Variants in PEX16 observed in about 807,000 individuals in gnomAD.
PEX16 encodes the protein peroxisomal biogenesis factor 16.
A neutral mutation model predicts 50.5 loss-of-function variants in PEX16; 37 were observed. The ratio of observed to expected loss-of-function variants is 0.73; its 90% CI spans 0.56 to 0.96. The LOEUF is 0.96. Ranked by LOEUF, PEX16 falls within the 40% of genes least tolerant of loss-of-function variation. The pLI is 0.00. For missense variants in PEX16, 401 were observed against 438.3 expected (o/e 0.91, Z 0.76); for synonymous variants, 185 against 190.3 (o/e 0.97, Z 0.23).
chr11:45,910,941 G>C lies in PEX16; in HGVS notation c.909C>G (p.Leu303=). 6.2e-7 allele frequency: 1 copy of C among 1,613,494 alleles called. No homozygotes were observed. Among genetic ancestry groups the C allele is most frequent in the Non-Finnish European group, 8.5e-7 (1 of 1,179,988 alleles). The change falls in exon 10 of 11, where the codon CTC becomes CTG. Residue 303 remains leucine (L), a synonymous_variant. Transcript: ENST00000378750. ...CAGGGACGTGGTCGGCCAGCAACTG[G>C]AGCAGGAAGAGGATCCTGGCCCTGG... is the stretch of plus-strand genomic sequence containing the variant. ...RFSEARILFL[L]QLLADHVPGV...
intron 9 of PEX16, among the ~76,000 whole-genome samples, chr11:45,912,949 G>A (rs958946168): frequency 1.9e-4 from 29 of 152,058 alleles, no homozygotes; most frequent in African/African-American, 7.0e-4. Flanking sequence ...AGCTTCCTGA[G>A]TAGCTAGGAC....
chr11:45,916,905 C>A (rs1229087039), intron 2 of PEX16: 5 of 419,672 alleles, frequency 1.2e-5, no homozygotes, highest in Non-Finnish European at 2.4e-5. Flanking sequence ...CCTGACCTCA[C>A]GTGATCCACC....
intron 9 of PEX16, 106 bp downstream of exon 9, chr11:45,913,713 G>A: frequency 7.5e-7 from 1 of 1,328,588 alleles, no homozygotes; most frequent in Non-Finnish European, 1.1e-6. Context: ...ACAGTGCTTG[G>A]TGAACCCTGG....
At chr11:45,915,357 G>A (rs1379045593) in intron 5 of PEX16, 111 bp downstream of exon 5, 5 of 770,316 alleles carry the variant, frequency 6.5e-6, no homozygotes, top group South Asian at 6.1e-5. Flanking sequence ...ATAGTTGATA[G>A]GGACAGGCGT....
rs556342423 is a variant in PEX16 at position 45,913,308 on chromosome 11, CCT to C, written c.887+509_887+510del. On this transcript the variant is annotated intron_variant, in intron 9 of 10. Coordinates refer to ENST00000378750, the MANE Select transcript of PEX16 (RefSeq NM_004813.4). ...GCTGCCCCCTGCTCAACCCAGCAGG[CCT>C]CTCTCAGGCTGGGAGCTCTGGACCC... is the stretch of plus-strand genomic sequence containing the variant. 3.0e-3 allele frequency among the ~76,000 whole-genome samples: 454 copies of C among 152,302 alleles called. 3 individuals carry two copies. The highest frequency in any genetic ancestry group is 9.9e-3 in the African/African-American group (412 of 41,562).
chr11:45,917,067 A>C, intron 2 of PEX16: 2 of 528,778 alleles, frequency 3.8e-6, no homozygotes, highest in Non-Finnish European at 3.6e-6. Flanking sequence ...GGAATCCTGG[A>C]ATCTGGGAGA....
rs377135763 is a variant in PEX16 at position 45,915,469 on chromosome 11, C to T, written c.459G>A (p.Pro153=). Residue 153 remains proline, a splice_region_variant and synonymous_variant, in exon 5 of 11, where the codon CCG becomes CCA. Transcript: ENST00000378750. ...PLDRETQAQP[P]DGDHSPGNHE... is the part of the protein sequence containing the mutation. ...CCAGGGCTTGGGGAAGTAGCTCACC[C>T]GGGGGCTGTGCCTGGGTCTCTCTGT... 7 of 1,613,350 alleles carry T rather than the reference C, an allele frequency of 4.3e-6. No individual in the cohort carries two copies. Among genetic ancestry groups the T allele is most frequent in the African/African-American group, 2.7e-5 (2 of 74,900 alleles).
intron 4 of PEX16, 24 bp from the exon 5 acceptor site, chr11:45,915,592 T>A (rs747425342): frequency 1.2e-6 from 2 of 1,613,332 alleles, no homozygotes; most frequent in Non-Finnish European, 1.7e-6. Context: ...TATGTCAGGG[T>A]TGTGGGGAGG....
At position 45,914,195 on chromosome 11, in the gene PEX16, G is replaced by C. The variant is rs765315257; in HGVS notation, c.703C>G (p.Leu235Val). The change falls in exon 8 of 11, where the codon CTG becomes GTG. Residue 235 changes from leucine (L) to valine (V), a missense_variant. Leu to Val is a conservative substitution (Grantham distance 32). Transcript: ENST00000378750. The part of the protein sequence containing the change: ...IARPLLHLLS[L>V]GLWGQRSWKP... Reference sequence around the variant, plus strand: ...CACGACCTCTGACCCCACAGGCCCAGGCTGAGCACTGACGGCCAAGGCGTC... The same window carrying C: ...CACGACCTCTGACCCCACAGGCCCACGCTGAGCACTGACGGCCAAGGCGTC... 2 of 1,613,216 alleles carry C rather than the reference G, an allele frequency of 1.2e-6. No homozygotes were observed. Among genetic ancestry groups the C allele is most frequent in the Non-Finnish European group, 8.5e-7 (1 of 1,179,704 alleles).
chr11:45,914,185 C>T lies in PEX16; in HGVS notation c.713G>A (p.Trp238Ter), dbSNP rs1213433620. 1.2e-6 allele frequency: 2 copies of T among 1,612,626 alleles called. No homozygotes were observed. The highest frequency in any genetic ancestry group is 1.7e-6 in the Non-Finnish European group (2 of 1,179,452). The change falls in exon 8 of 11, where the codon TGG becomes TAG. Residue 238 changes from tryptophan to a stop codon, truncating the protein, a stop_gained. Coordinates refer to ENST00000378750, the MANE Select transcript of PEX16 (RefSeq NM_004813.4). LOFTEE classifies it high-confidence loss of function. ...CCAGGGTTTCCACGACCTCTGACCC[C>T]ACAGGCCCAGGCTGAGCACTGACGG... ...PLLHLLSLGL[W>*]GQRSWKPWLL...
intron 9 of PEX16, among the ~76,000 whole-genome samples, 189 bp from the exon 10 acceptor site, chr11:45,911,151 C>G (rs926859390): frequency 6.6e-6 from 1 of 152,254 alleles, no homozygotes; most frequent in Admixed American, 6.5e-5. Flanking sequence ...TGGCTCTGGC[C>G]TCCACCCTCC....
chr11:45,915,923 A>T, intron 3 of PEX16, 87 bp from the exon 4 acceptor site: 1 of 1,295,358 alleles, frequency 7.7e-7, no homozygotes, highest in Non-Finnish European at 1.1e-6. Context: ...TTCTCTGACA[A>T]GAGATGTGGA....
intron 2 of PEX16, among the ~76,000 whole-genome samples, chr11:45,916,691 C>T (rs193293375): frequency 6.6e-5 from 10 of 152,274 alleles, no homozygotes; most frequent in Admixed American, 2.6e-4. Flanking sequence ...TTTTCTGAGT[C>T]GGAGTTTCAC....
Position 45,914,119 on chromosome 11 carries a change from G to T in PEX16, c.767+12C>A. 6.3e-7 allele frequency: 1 copy of T among 1,592,096 alleles called. No homozygotes were observed. Among genetic ancestry groups the T allele is most frequent in the East Asian group, 2.3e-5 (1 of 43,560 alleles). On this transcript the variant is annotated intron_variant, in intron 8 of 10. Coordinates refer to ENST00000378750, the MANE Select transcript of PEX16 (RefSeq NM_004813.4). The stretch of plus-strand genomic sequence containing the variant: ...CAGTGGAGAGTGAAGCCCCAGGCAG[G>T]CCCAGGCTCACCTGGTCACGTCCAC...
rs1469175028 is a variant in PEX16 at position 45,909,688 on chromosome 11, A to G, written c.*566T>C. ...TTTTTCTAAGGGAGAAAAGCCTTTT[A>G]CTCTCAACCGAGGATGCAGGGCTTA... On this transcript the variant is annotated 3_prime_UTR_variant, in exon 11 of 11. Coordinates refer to ENST00000378750, the MANE Select transcript of PEX16 (RefSeq NM_004813.4). The G allele has an allele frequency of 1.5e-5, 4 of 258,128 alleles. No homozygotes were observed. 16.0% of individuals were successfully genotyped at this position (258,128 alleles called of 1,614,324 possible). A position where few individuals can be genotyped will look rare whatever the true frequency, so the allele number is the denominator to read the frequency against.
Position 45,914,402 on chromosome 11 carries a change from T to C in PEX16, c.608A>G (p.His203Arg), listed in dbSNP as rs780865953. 6 of 1,609,644 alleles carry C rather than the reference T, an allele frequency of 3.7e-6. No individual in the cohort carries two copies. The South Asian group carries it at 6.6e-5, about 18-fold the overall frequency. ...GGTGGGGGTCGCACTCAGCTCCTCG[T>C]GATGCTGCTGCTGCCGTCCCTCCCG... ...QQREGRQQQH[H>R]EELSATPTPL... is the part of the protein sequence containing the mutation. Residue 203 changes from histidine to arginine, a missense_variant, in exon 7 of 11, where the codon CAC (histidine) becomes CGC (arginine). His to Arg is a conservative substitution (Grantham distance 29). Transcript: ENST00000378750.
At chr11:45,912,315 G>C (rs1194266047) in intron 9 of PEX16, among the ~76,000 whole-genome samples, 1 of 151,962 alleles carries the variant, frequency 6.6e-6, no homozygotes, top group Non-Finnish European at 1.5e-5. Flanking sequence ...TGGTTAACAC[G>C]GTGAAACCCC....
intron 2 of PEX16, 57 bp downstream of exon 2, chr11:45,917,401 A>G: frequency 6.4e-7 from 1 of 1,551,622 alleles, no homozygotes; most frequent in Non-Finnish European, 8.9e-7. Flanking sequence ...TCTCTGGGGA[A>G]CTCACCAGGG....
intron 1 of PEX16, 72 bp downstream of exon 1, chr11:45,917,628 T>C (rs776695635): frequency 3.6e-5 from 53 of 1,468,882 alleles, no homozygotes; most frequent in Non-Finnish European, 4.7e-5. Flanking sequence ...CTACCCTGAC[T>C]CCGCAGGGAA....
Sources: gnomAD v4.1 joint callset for allele counts (sites outside exome capture counted in the v4.1 genomes callset) on GRCh38, gnomAD v4.1.1 for gene constraint, MANE v1.5 for transcripts, NCBI Gene and HGNC (gene_info 2026-07-23, HGNC 2026-07-21) for gene names.